FZD3: variants seen among roughly 807,000 people sequenced by gnomAD.
FZD3 encodes the protein frizzled class receptor 3.
In FZD3, 30 loss-of-function variants were observed where a neutral mutation model predicts 60.7. The ratio of observed to expected loss-of-function variants is 0.49; its 90% CI spans 0.37 to 0.67. The LOEUF is 0.67. FZD3 is among the 30% of genes least tolerant of loss of function. FZD3 has a pLI of 0.00. For missense variants in FZD3, 605 were observed against 838.7 expected, an observed-to-expected ratio of 0.72 and a Z score of 3.44; for synonymous variants, 246 against 275.2, an observed-to-expected ratio of 0.89 and a Z score of 1.05.
chr8:28,520,922 ACTTTT>A, intron 4 of FZD3, 88 bp downstream of exon 4: 1 of 913,004 alleles, frequency 1.1e-6, no homozygotes, highest in Non-Finnish European at 1.6e-6. Flanking sequence ...GTTTTAAAAA[ACTTTT>A]TTTGAAGTGT....
chr8:28,519,706 G>A (rs943939981), intron 3 of FZD3, among the ~76,000 whole-genome samples: 1 of 148,562 alleles, frequency 6.7e-6, no homozygotes, highest in South Asian at 2.2e-4. Context: ...CTCTGGCCTG[G>A]GTGACAGAGC....
At position 28,563,076 on chromosome 8, in the gene FZD3, C is replaced by T. The variant is rs1299675489; in HGVS notation, c.*65C>T. The T allele has an allele frequency of 7.7e-6, 8 of 1,033,850 alleles. No homozygotes were observed. The South Asian group carries it at 9.0e-5, about 12-fold the overall frequency. 64.0% of individuals were successfully genotyped at this position (1,033,850 alleles called of 1,614,324 possible). ...AGCAGATTTTATTCTTTGCCTTTTG[C>T]ATGACTGATAGCTGTAACTCACAGT... is the stretch of plus-strand genomic sequence containing the variant. On this transcript the variant is annotated 3_prime_UTR_variant, in exon 8 of 8. Transcript: ENST00000240093.
At chr8:28,518,596 C>T (rs1257826596) in intron 3 of FZD3, among the ~76,000 whole-genome samples, 6 of 152,128 alleles carry the variant, frequency 3.9e-5, no homozygotes, top group African/African-American at 1.4e-4. Flanking sequence ...TCTTAGCTTC[C>T]TTCCCTGTGT....
Position 28,542,832 on chromosome 8 carries a change from TCTGA to T in FZD3, c.1405-8768_1405-8765del, listed in dbSNP as rs77254663. 4.7e-3 allele frequency among the ~76,000 whole-genome samples: 711 copies of T among 152,316 alleles called. 22 individuals are homozygous for T. The East Asian group carries it at 0.09, about 19-fold the overall frequency. On this transcript the variant is annotated intron_variant, in intron 5 of 7. Transcript: ENST00000240093. Reference sequence around the variant, plus strand: ...TAAGTTCAACAAGGGCAGAGAATTTTCTGACTATTTGCTGTTATGTCTTTTGTAC... The same window carrying T: ...TAAGTTCAACAAGGGCAGAGAATTTTCTATTTGCTGTTATGTCTTTTGTAC...
chr8:28,517,548 G>A (rs1804461184), intron 3 of FZD3, among the ~76,000 whole-genome samples: 1 of 152,064 alleles, frequency 6.6e-6, no homozygotes, highest in Non-Finnish European at 1.5e-5. Context: ...CTGTCCTTTT[G>A]AGATTGCATT....
rs1398806890 is a variant in FZD3 at position 28,546,855 on chromosome 8, G to A, written c.1405-4748G>A. On this transcript the variant is annotated intron_variant, in intron 5 of 7. Transcript: ENST00000240093. ...CTGGGCATGGTGGCAGGCACCTGTA[G>A]TCCCAGCTACTCTGGGAAGCAGGAG... Among the ~76,000 whole-genome samples the A allele has an allele frequency of 3.9e-5, 6 of 152,018 alleles. No individual in the cohort carries two copies. In the East Asian group the frequency reaches 1.2e-3, roughly 29 times the overall value.
chr8:28,503,013 G>A lies in FZD3; in HGVS notation c.-1G>A. 3 of 1,610,052 alleles carry A rather than the reference G, an allele frequency of 1.9e-6. No homozygotes were observed. The highest frequency in any genetic ancestry group is 2.5e-6 in the Non-Finnish European group (3 of 1,176,942). On this transcript the variant is annotated 5_prime_UTR_variant, in exon 3 of 8. Transcript: ENST00000240093. ...CTGAATCTCCTTCAGACCCAGGAAG[G>A]ATGGCTATGACTTGGATTGTCTTCT...
At chr8:28,544,399 A>G (rs569038949) in intron 5 of FZD3, among the ~76,000 whole-genome samples, 22 of 152,202 alleles carry the variant, frequency 1.4e-4, no homozygotes, top group Non-Finnish European at 2.1e-4. Context: ...TATCTAGTTG[A>G]TCATTGATTT....
intron 3 of FZD3, among the ~76,000 whole-genome samples, chr8:28,510,055 C>A (rs1467991332): frequency 6.6e-6 from 1 of 152,146 alleles, no homozygotes; most frequent in East Asian, 1.9e-4. Flanking sequence ...ACCAGTAATA[C>A]ACAAGATTCC....
At chr8:28,555,250 AT>A (rs1805487623) in intron 6 of FZD3, among the ~76,000 whole-genome samples, 1 of 152,232 alleles carries the variant, frequency 6.6e-6, no homozygotes, top group Admixed American at 6.5e-5. Flanking sequence ...ACTTAAAAAA[AT>A]ATTGTATCCA....
At position 28,573,842 on chromosome 8, in the gene FZD3, C is replaced by T. The variant is rs1347064112; in HGVS notation, c.*10831C>T. ...GCACTTAGCAGTTTAGTTTTCCAAA[C>T]TTTATTCTGAATCAAATTGCTGAGG... On this transcript the variant is annotated 3_prime_UTR_variant, in exon 8 of 8. Transcript: ENST00000240093. 1 of 152,050 alleles carries T rather than the reference C, an allele frequency of 6.6e-6. No individual in the cohort carries two copies. The highest frequency in any genetic ancestry group is 1.5e-5 in the Non-Finnish European group (1 of 67,994). 9.4% of individuals were successfully genotyped at this position (152,050 alleles called of 1,614,324 possible). A position where few individuals can be genotyped will look rare whatever the true frequency, so the allele number is the denominator to read the frequency against.
At chr8:28,513,204 A>G (rs565939636) in intron 3 of FZD3, among the ~76,000 whole-genome samples, 1 of 152,332 alleles carries the variant, frequency 6.6e-6, no homozygotes, top group South Asian at 2.1e-4. Context: ...GTGACAGATC[A>G]CTATAAAGTG....
intron 5 of FZD3, among the ~76,000 whole-genome samples, chr8:28,544,764 CTA>C (rs566260343): frequency 8.5e-5 from 13 of 152,132 alleles, no homozygotes; most frequent in Non-Finnish European, 1.9e-4. Flanking sequence ...TTTTTGATCC[CTA>C]TGTGTCTAGT....
intron 5 of FZD3, among the ~76,000 whole-genome samples, chr8:28,544,762 C>T (rs1237128141): frequency 1.3e-5 from 2 of 152,128 alleles, no homozygotes; most frequent in African/African-American, 4.8e-5. Context: ...ACTTTTTGAT[C>T]CCTATGTGTC....
At chr8:28,551,458 G>A in intron 5 of FZD3, 145 bp from the exon 6 acceptor site, 1 of 585,316 alleles carries the variant, frequency 1.7e-6, no homozygotes, top group Non-Finnish European at 2.9e-6. Context: ...AGAGGTTGCA[G>A]TGAGCCAAGA....
At chr8:28,526,290 A>G (rs1428397136) in intron 4 of FZD3, among the ~76,000 whole-genome samples, 1 of 152,152 alleles carries the variant, frequency 6.6e-6, no homozygotes, top group Non-Finnish European at 1.5e-5. Flanking sequence ...TCCAGCAATA[A>G]CACACCCTGT....
At chr8:28,522,288 G>A (rs1033241025) in intron 4 of FZD3, among the ~76,000 whole-genome samples, 3 of 151,780 alleles carry the variant, frequency 2.0e-5, no homozygotes, top group East Asian at 3.9e-4. Flanking sequence ...AAAAAAAACA[G>A]TGTTATTTAA....
chr8:28,569,272 G>A lies in FZD3; in HGVS notation c.*6261G>A, dbSNP rs1368198494. On this transcript the variant is annotated 3_prime_UTR_variant, in exon 8 of 8. Transcript: ENST00000240093. The stretch of plus-strand genomic sequence containing the variant: ...AAAAATCTATTTTCTAAATTGGCAG[G>A]ATTTTTTTAATGATTAGTAAAACTG... 1 of 151,284 alleles carries A rather than the reference G, an allele frequency of 6.6e-6. No homozygotes were observed. The highest frequency in any genetic ancestry group is 1.9e-4 in the East Asian group (1 of 5,180). 9.4% of individuals were successfully genotyped at this position (151,284 alleles called of 1,614,324 possible).
intron 7 of FZD3, among the ~76,000 whole-genome samples, chr8:28,561,626 T>A (rs1190188399): frequency 9.2e-5 from 14 of 151,816 alleles, no homozygotes; most frequent in Non-Finnish European, 2.1e-4. Context: ...GCCTGCTATA[T>A]TTTATTTTTA....
Sources: allele counts gnomAD v4.1 joint callset (sites outside exome capture counted in the v4.1 genomes callset), GRCh38; gene constraint gnomAD v4.1.1; transcripts MANE v1.5; gene names NCBI Gene and HGNC (gene_info 2026-07-23, HGNC 2026-07-21).